The following BTBD9 variants were observed in gnomAD, a reference collection of about 807,000 sequenced individuals.
The protein encoded by BTBD9 is BTB domain containing 9, also known as BTB/POZ domain-containing protein 9.
In BTBD9, 49 loss-of-function variants were observed where a neutral mutation model predicts 64.3. The ratio of observed to expected loss-of-function variants is 0.76; its 90% CI spans 0.61 to 0.97. BTBD9 has a LOEUF of 0.97. BTBD9 is among the 50% of genes least tolerant of loss of function. The probability of loss-of-function intolerance (pLI) is 0.00; values close to 1 mark genes in which losing one functional copy is unlikely to be tolerated. For synonymous variants in BTBD9, 260 were observed against 274.7 expected (o/e 0.95, Z 0.53); for missense variants, 598 against 762.1 (o/e 0.78, Z 2.53).
rs528294693 is a variant in BTBD9, at chr6:38,572,172, C to T, written c.1154+5428G>A. ...GCAACACTTATAATTATGTGATGTG[C>T]TTATTATTTGTTTGTTTTAATCTGT... On this transcript the variant is annotated intron_variant, in intron 6 of 10. Coordinates refer to ENST00000481247, the MANE Select transcript of BTBD9 (RefSeq NM_001099272.2). Among the ~76,000 whole-genome samples, 29 of 152,162 alleles carry T rather than the reference C, an allele frequency of 1.9e-4. No homozygotes were observed. In the South Asian group the frequency reaches 5.6e-3, roughly 29 times the overall value.
intron 6 of BTBD9, among the ~76,000 whole-genome samples, chr6:38,539,624 G>GTAATCAAAA (rs1448348370): frequency 6.6e-6 from 1 of 152,100 alleles, no homozygotes; most frequent in Non-Finnish European, 1.5e-5. Flanking sequence ...TTTTAAAAGA[G>GTAATCAAAA]ATTTATTTGA....
At chr6:38,314,714 A>G (rs1457203931) in intron 7 of BTBD9, among the ~76,000 whole-genome samples, 1 of 151,954 alleles carries the variant, frequency 6.6e-6, no homozygotes, top group Non-Finnish European at 1.5e-5. Context: ...AGTCTTGGTA[A>G]GTTGTTAAGT....
At chr6:38,458,143 C>G (rs72852659) in intron 6 of BTBD9, among the ~76,000 whole-genome samples, 1 of 151,936 alleles carries the variant, frequency 6.6e-6, no homozygotes, top group Non-Finnish European at 1.5e-5. Context: ...TCCTATAACA[C>G]GATTGGAAAA....
At chr6:38,489,451 G>C (rs1486518537) in intron 6 of BTBD9, among the ~76,000 whole-genome samples, 1 of 152,152 alleles carries the variant, frequency 6.6e-6, no homozygotes, top group Non-Finnish European at 1.5e-5. Flanking sequence ...TGGGTGACAA[G>C]AGTGAGAAGA....
At chr6:38,425,245 A>G (rs977285424) in intron 6 of BTBD9, among the ~76,000 whole-genome samples, 8 of 151,516 alleles carry the variant, frequency 5.3e-5, no homozygotes, top group African/African-American at 2.0e-4. Flanking sequence ...AGCTGAGATT[A>G]CAGGCACCTG....
intron 6 of BTBD9, among the ~76,000 whole-genome samples, chr6:38,429,512 G>C (rs891192699): frequency 2.7e-5 from 4 of 149,954 alleles, no homozygotes; most frequent in Non-Finnish European, 4.4e-5. Context: ...CCACCCTATT[G>C]AGCACCTTGC....
At chr6:38,225,450 C>T (rs572680834) in intron 9 of BTBD9, among the ~76,000 whole-genome samples, 2 of 152,272 alleles carry the variant, frequency 1.3e-5, no homozygotes, top group South Asian at 4.2e-4. Context: ...AGAGAAGGGG[C>T]ATTCCCTGGC....
At chr6:38,348,105 A>C (rs951290981) in intron 6 of BTBD9, among the ~76,000 whole-genome samples, 14 of 152,176 alleles carry the variant, frequency 9.2e-5, no homozygotes, top group African/African-American at 2.9e-4. Flanking sequence ...CATCCTTGAC[A>C]ACGAGCATAT....
intron 6 of BTBD9, among the ~76,000 whole-genome samples, chr6:38,501,037 A>C (rs373132437): frequency 2.6e-5 from 4 of 152,336 alleles, no homozygotes; most frequent in Admixed American, 1.3e-4. Context: ...GTGATGAATA[A>C]AACAGAAATT....
intron 6 of BTBD9, among the ~76,000 whole-genome samples, chr6:38,356,956 T>C (rs1764751226): frequency 6.6e-6 from 1 of 152,164 alleles, no homozygotes; most frequent in African/African-American, 2.4e-5. Context: ...GTTATGTGTG[T>C]TGGAGGTGTT....
At chr6:38,471,471 T>C (rs964912386) in intron 6 of BTBD9, among the ~76,000 whole-genome samples, 2 of 152,186 alleles carry the variant, frequency 1.3e-5, no homozygotes, top group African/African-American at 4.8e-5. Context: ...TCATTTTTAC[T>C]AATGAAAGGC....
chr6:38,610,920 G>C lies in BTBD9; in HGVS notation c.-27-12799C>G, dbSNP rs958773510. ...TTGTAACTGCAAAAAACCGGGGTGG[G>C]GGGGGGACTAAACGTCCATCAATAC... On this transcript the variant is annotated intron_variant, in intron 1 of 10. Coordinates refer to ENST00000481247, the MANE Select transcript of BTBD9 (RefSeq NM_001099272.2). 3.3e-5 allele frequency among the ~76,000 whole-genome samples: 5 copies of C among 150,804 alleles called. No homozygotes were observed. The East Asian group carries it at 7.9e-4, about 24-fold the overall frequency.
At chr6:38,293,904 T>A (rs186802183) in intron 7 of BTBD9, among the ~76,000 whole-genome samples, 18 of 151,498 alleles carry the variant, frequency 1.2e-4, no homozygotes, top group African/African-American at 3.9e-4. Flanking sequence ...TGGGAGAAAA[T>A]TTTTGCAATC....
chr6:38,522,630 A>G (rs1773321863), intron 6 of BTBD9, among the ~76,000 whole-genome samples: 1 of 152,166 alleles, frequency 6.6e-6, no homozygotes, highest in Non-Finnish European at 1.5e-5. Context: ...GATGCTTCCC[A>G]TGGCTTCAAA....
Position 38,409,719 on chromosome 6 carries a change from G to T in BTBD9, c.1155-64626C>A, listed in dbSNP as rs186990513. ...CGTGCCTGTAGTTCCAGCTACTTGG[G>T]AGGCTAAGGCAGGAGAATCTCTTGA... On this transcript the variant is annotated intron_variant, in intron 6 of 10. Coordinates refer to ENST00000481247, the MANE Select transcript of BTBD9 (RefSeq NM_001099272.2). Among the ~76,000 whole-genome samples the T allele has an allele frequency of 7.1e-4, 108 of 152,178 alleles. 3 individuals are homozygous for T. In the South Asian group the frequency reaches 0.011, roughly 16 times the overall value.
intron 4 of BTBD9, chr6:38,587,647 C>T (rs533117688): frequency 4.3e-5 from 26 of 602,994 alleles, no homozygotes; most frequent in Non-Finnish European, 6.9e-5. Context: ...ATATCTCTGT[C>T]GAGAACTGAC....
At chr6:38,374,307 G>GTATATATATATGTGTATA (rs1765576450) in intron 6 of BTBD9, among the ~76,000 whole-genome samples, 2 of 59,124 alleles carry the variant, frequency 3.4e-5, no homozygotes, top group African/African-American at 1.6e-4. Flanking sequence ...GTATATATAT[G>GTATATATATATGTGTATA]TATATATATA....
In BTBD9 at chr6:38,580,463, G is replaced by C. The variant is rs78513634; in HGVS notation, c.815-26C>G. On this transcript the variant is annotated intron_variant, in intron 4 of 10. Coordinates refer to ENST00000481247, the MANE Select transcript of BTBD9 (RefSeq NM_001099272.2). ...CTACAGTTAAAAATAGAAAAAGCAA[G>C]GTTAATGATTACTTATTTATTCTGT... 560 of 1,560,734 alleles carry C rather than the reference G, an allele frequency of 3.6e-4. 6 individuals carry two copies. The African/African-American group carries it at 6.2e-3, about 17-fold the overall frequency.
chr6:38,592,890 G>GCAT, intron 3 of BTBD9, 50 bp from the exon 4 acceptor site: 1 of 1,573,946 alleles, frequency 6.4e-7, no homozygotes. Context: ...TTCAACCACT[G>GCAT]CATGACCAAT....
Sources: gnomAD v4.1 joint callset for allele counts (sites outside exome capture counted in the v4.1 genomes callset) on GRCh38, gnomAD v4.1.1 for gene constraint, MANE v1.5 for transcripts, NCBI Gene and HGNC (gene_info 2026-07-23, HGNC 2026-07-21) for gene names.